The following ARHGAP15 variants were observed in gnomAD, a reference collection of about 807,000 sequenced individuals.
The protein encoded by ARHGAP15 is rho GTPase-activating protein 15.
ARHGAP15 carries 51 observed loss-of-function variants against 63.7 expected under a neutral mutation model. The observed-to-expected ratio is 0.80, with a 90% CI of 0.64 to 1.01. ARHGAP15 has a LOEUF of 1.01. Ranked by LOEUF, ARHGAP15 falls within the 50% of genes least tolerant of loss-of-function variation. The probability of loss-of-function intolerance (pLI) is 0.00; values close to 1 mark genes in which losing one functional copy is unlikely to be tolerated. For missense variants in ARHGAP15, 560 were observed against 564.6 expected (o/e 0.99, Z 0.08); for synonymous variants, 191 against 193.8 (o/e 0.99, Z 0.12).
intron 2 of ARHGAP15, among the ~76,000 whole-genome samples, chr2:143,163,538 T>G (rs1234528820): frequency 6.6e-6 from 1 of 151,974 alleles, no homozygotes; most frequent in Admixed American, 6.6e-5. Context: ...AGCTGAAATA[T>G]CAAGATTGCC....
intron 6 of ARHGAP15, among the ~76,000 whole-genome samples, chr2:143,390,433 A>G (rs1265495363): frequency 6.6e-6 from 1 of 152,154 alleles, no homozygotes; most frequent in Non-Finnish European, 1.5e-5. Flanking sequence ...AACAGGCCTC[A>G]CGGGGAGGCC....
chr2:143,568,145 G>A (rs1696307817), intron 11 of ARHGAP15, among the ~76,000 whole-genome samples: 2 of 152,212 alleles, frequency 1.3e-5, no homozygotes, highest in African/African-American at 2.4e-5. Context: ...AAAAGCAATG[G>A]CAACAAAAGC....
intron 2 of ARHGAP15, among the ~76,000 whole-genome samples, chr2:143,192,744 A>G (rs1691730104): frequency 1.3e-5 from 2 of 152,190 alleles, no homozygotes; most frequent in Non-Finnish European, 1.5e-5. Flanking sequence ...CCCTCATTGA[A>G]CATATAAATT....
chr2:143,149,481 A>G (rs1421607825), intron 1 of ARHGAP15, among the ~76,000 whole-genome samples: 4 of 152,048 alleles, frequency 2.6e-5, no homozygotes, highest in Non-Finnish European at 4.4e-5. Context: ...CTCAAGGAAG[A>G]CTATTCTCAA....
intron 12 of ARHGAP15, among the ~76,000 whole-genome samples, chr2:143,670,757 A>G (rs1484403910): frequency 1.3e-5 from 2 of 152,146 alleles, no homozygotes; most frequent in South Asian, 2.1e-4. Context: ...TGGCCTGTTA[A>G]ATTTACAGGA....
intron 13 of ARHGAP15, among the ~76,000 whole-genome samples, chr2:143,720,713 G>T (rs1237380280): frequency 6.6e-6 from 1 of 152,062 alleles, no homozygotes; most frequent in Non-Finnish European, 1.5e-5. Flanking sequence ...CCTAAAAGAG[G>T]CACACGACTT....
intron 12 of ARHGAP15, among the ~76,000 whole-genome samples, chr2:143,686,045 G>A (rs1189006248): frequency 6.6e-6 from 1 of 152,042 alleles, no homozygotes; most frequent in Non-Finnish European, 1.5e-5. Flanking sequence ...CAGTGAAAAG[G>A]TCCATTGCTT....
intron 6 of ARHGAP15, among the ~76,000 whole-genome samples, chr2:143,294,123 G>C (rs1353715131): frequency 6.6e-6 from 1 of 151,930 alleles, no homozygotes; most frequent in Non-Finnish European, 1.5e-5. Flanking sequence ...GCACCTTAAA[G>C]ATTCTAAGAC....
At chr2:143,564,889 G>T (rs942849796) in intron 11 of ARHGAP15, among the ~76,000 whole-genome samples, 2 of 152,084 alleles carry the variant, frequency 1.3e-5, no homozygotes, top group African/African-American at 4.8e-5. Flanking sequence ...CTAATCATTT[G>T]CTAACGAAAC....
chr2:143,271,634 C>G (rs1681287789), intron 6 of ARHGAP15, among the ~76,000 whole-genome samples: 1 of 152,228 alleles, frequency 6.6e-6, no homozygotes, highest in South Asian at 2.1e-4. Context: ...TGCCACCTCG[C>G]CCGGCTAATT....
At chr2:143,587,757 T>C (rs775766737) in intron 11 of ARHGAP15, 1 of 470,446 alleles carries the variant, frequency 2.1e-6, no homozygotes, top group South Asian at 1.6e-5. Flanking sequence ...AAGCTGCAGA[T>C]TTTTCACAGT....
chr2:143,225,950 G>C (rs183496785), intron 4 of ARHGAP15, among the ~76,000 whole-genome samples: 1 of 152,330 alleles, frequency 6.6e-6, no homozygotes, highest in East Asian at 1.9e-4. Flanking sequence ...GTTTTGAAAT[G>C]AAATTCTTTT....
intron 12 of ARHGAP15, among the ~76,000 whole-genome samples, chr2:143,637,219 T>A (rs888853208): frequency 2.0e-5 from 3 of 152,146 alleles, no homozygotes; most frequent in Non-Finnish European, 4.4e-5. Context: ...TGGACCGTTT[T>A]ATTTGCACAA....
intron 6 of ARHGAP15, among the ~76,000 whole-genome samples, chr2:143,367,763 A>C (rs1480072503): frequency 6.6e-6 from 1 of 151,978 alleles, no homozygotes. Context: ...TATAAAATAA[A>C]CCACTGTGTA....
At chr2:143,661,663 C>A (rs527501303) in intron 12 of ARHGAP15, among the ~76,000 whole-genome samples, 1 of 152,116 alleles carries the variant, frequency 6.6e-6, no homozygotes, top group African/African-American at 2.4e-5. Context: ...TCTGAGGTAC[C>A]GGGTTCATCT....
chr2:143,661,316 G>A (rs989690605), intron 12 of ARHGAP15, among the ~76,000 whole-genome samples: 4 of 152,070 alleles, frequency 2.6e-5, no homozygotes, highest in Non-Finnish European at 5.9e-5. Flanking sequence ...CATCATTGAA[G>A]GTCTATTATT....
At chr2:143,551,289 C>T (rs528536386) in intron 10 of ARHGAP15, among the ~76,000 whole-genome samples, 1 of 152,096 alleles carries the variant, frequency 6.6e-6, no homozygotes, top group Middle Eastern at 3.4e-3. Context: ...GTAGCTGGGA[C>T]CACAGGCATG....
At chr2:143,503,218 T>A (rs1693154815) in intron 9 of ARHGAP15, among the ~76,000 whole-genome samples, 2 of 152,226 alleles carry the variant, frequency 1.3e-5, no homozygotes, top group South Asian at 2.1e-4. Context: ...TTTTATATAA[T>A]GTTTGAGTAT....
At chr2:143,436,370 C>T (rs1349439409) in intron 7 of ARHGAP15, among the ~76,000 whole-genome samples, 3 of 152,138 alleles carry the variant, frequency 2.0e-5, no homozygotes, top group Admixed American at 6.6e-5. Context: ...TTTCTTGATA[C>T]TTAATTGCAA....
Sources: allele counts gnomAD v4.1 joint callset (sites outside exome capture counted in the v4.1 genomes callset), GRCh38; gene constraint gnomAD v4.1.1; transcripts MANE v1.5; gene names NCBI Gene and HGNC (gene_info 2026-07-23, HGNC 2026-07-21).